Variants in NF1 observed in about 807,000 individuals in gnomAD.
The protein encoded by NF1 is neurofibromin 1, also known as neurofibromin.
Under a neutral mutation model 325.7 loss-of-function variants are expected in NF1, and 122 were observed. The ratio of observed to expected loss-of-function variants is 0.37; its 90% CI spans 0.32 to 0.44. The LOEUF (loss-of-function observed/expected upper bound fraction) is 0.44. Ranked by LOEUF, NF1 falls within the 20% of genes least tolerant of loss-of-function variation. The pLI is 1.00. For synonymous variants in NF1, 1,091 were observed against 1,186.0 expected (o/e 0.92, Z 1.65); for missense variants, 2,140 against 3,415.4 (o/e 0.63, Z 9.31).
At chr17:31,239,615 A>T (rs896555980) in intron 29 of NF1, among the ~76,000 whole-genome samples, 7 of 152,016 alleles carry the variant, frequency 4.6e-5, no homozygotes, top group African/African-American at 1.5e-4. Flanking sequence ...GCAAAGCTAG[A>T]TCTTTTTATT....
intron 1 of NF1, among the ~76,000 whole-genome samples, chr17:31,119,876 C>G (rs971037479): frequency 1.3e-5 from 2 of 152,130 alleles, no homozygotes; most frequent in African/African-American, 4.8e-5. Context: ...AATCCTTTCC[C>G]CATTGCTTGT....
Position 31,338,784 on chromosome 17 carries a change from A to G in NF1, c.6900A>G (p.Lys2300=). The change falls in exon 46 of 58, where the codon AAA becomes AAG. Residue 2300 remains lysine, a synonymous_variant. Transcript: ENST00000358273. The part of the protein sequence containing the change: ...LIEATVIALT[K]LQPLLNKDSP... ...AAGCTACAGTAATAGCACTAACCAAATTACAGCCACTTCTTAATAAGGTAA... is the reference window on the plus strand; with the variant it reads ...AAGCTACAGTAATAGCACTAACCAAGTTACAGCCACTTCTTAATAAGGTAA... 6.2e-7 allele frequency: 1 copy of G among 1,610,900 alleles called. No homozygotes were observed. Among genetic ancestry groups the G allele is most frequent in the Non-Finnish European group, 8.5e-7 (1 of 1,177,290 alleles).
intron 36 of NF1, among the ~76,000 whole-genome samples, chr17:31,281,855 G>A (rs980444914): frequency 1.3e-5 from 2 of 151,938 alleles, no homozygotes; most frequent in African/African-American, 2.4e-5. Flanking sequence ...CCAGGAGTTC[G>A]AGACCAGCCT....
chr17:31,337,008 T>G (rs986367067), intron 42 of NF1, 94 bp downstream of exon 42: 1 of 1,339,374 alleles, frequency 7.5e-7, no homozygotes. Context: ...GTTTGTGCTC[T>G]AACACCAAGT....
At chr17:31,246,451 C>T (rs768774940) in intron 29 of NF1, among the ~76,000 whole-genome samples, 16 of 152,148 alleles carry the variant, frequency 1.1e-4, no homozygotes, top group Non-Finnish European at 1.8e-4. Flanking sequence ...TTCTGTAATA[C>T]GTTAATTAAT....
intron 6 of NF1, 54 bp from the exon 7 acceptor site, chr17:31,181,656 T>C (rs1432574608): frequency 1.4e-6 from 2 of 1,383,162 alleles, no homozygotes; most frequent in Non-Finnish European, 1.0e-6. Flanking sequence ...TGTGACATTT[T>C]ATTTACTGTA....
At chr17:31,152,260 G>A (rs1916999334) in intron 1 of NF1, among the ~76,000 whole-genome samples, 1 of 151,532 alleles carries the variant, frequency 6.6e-6, no homozygotes, top group South Asian at 2.1e-4. Context: ...TTCAAAATAT[G>A]TTAAGGTATT....
At chr17:31,231,540 C>T (rs1016659653) in intron 24 of NF1, among the ~76,000 whole-genome samples, 1 of 152,148 alleles carries the variant, frequency 6.6e-6, no homozygotes, top group Non-Finnish European at 1.5e-5. Flanking sequence ...ATGCTCAAGT[C>T]CCTGACTTAA....
rs2069958951 is a variant in NF1 at position 31,345,716 on chromosome 17, C to T, written c.7189+2581C>T. The T allele has an allele frequency of 9.3e-6, 15 of 1,613,718 alleles. No homozygotes were observed. In the Middle Eastern group the frequency reaches 8.3e-4, roughly 90 times the overall value. The stretch of plus-strand genomic sequence containing the variant: ...TAGAGAAAAGTCTTTTGGTTCCAGA[C>T]CATGTGATCACACGCCTAATGATGT... On this transcript the variant is annotated intron_variant, in intron 48 of 57. Transcript: ENST00000358273.
chr17:31,288,778 C>T (rs1263460242), intron 36 of NF1, among the ~76,000 whole-genome samples: 1 of 152,096 alleles, frequency 6.6e-6, no homozygotes, highest in Non-Finnish European at 1.5e-5. Context: ...ATCCACCCAC[C>T]TTGGCCTCCC....
Position 31,278,493 on chromosome 17 carries a change from C to CT in NF1, c.4835+13192dup, listed in dbSNP as rs200450821. On this transcript the variant is annotated intron_variant, in intron 36 of 57. Transcript: ENST00000358273. ...ACAGACATTGCCTTGGTAATTGAAG[C>CT]TTTTTTTTTTTTTTTTTTTTTTTTT... Among the ~76,000 whole-genome samples the CT allele has an allele frequency of 4.6e-4, 7 of 15,340 alleles. 1 individual carries two copies. Among genetic ancestry groups the CT allele is most frequent in the African/African-American group, 1.2e-3 (7 of 5,620 alleles). The allele number at this position is 15,340 out of a possible 152,430, so 10.1% of individuals were successfully genotyped here.
chr17:31,279,604 AAG>A (rs1279999454), intron 36 of NF1, among the ~76,000 whole-genome samples: 1 of 151,982 alleles, frequency 6.6e-6, no homozygotes, highest in East Asian at 1.9e-4. Context: ...AAAAAAAAAA[AAG>A]GAAGAAACTA....
intron 36 of NF1, among the ~76,000 whole-genome samples, chr17:31,298,095 T>G (rs1451144563): frequency 2.6e-5 from 4 of 152,206 alleles, no homozygotes; most frequent in African/African-American, 7.2e-5. Flanking sequence ...TATTTGATTT[T>G]ATGTTTTAAG....
At chr17:31,163,135 TG>T in intron 3 of NF1, 50 bp from the exon 4 acceptor site, 1 of 1,581,954 alleles carries the variant, frequency 6.3e-7, no homozygotes, top group Non-Finnish European at 8.7e-7. Flanking sequence ...TAATAGAAAA[TG>T]TTTACAGGTA....
intron 36 of NF1, among the ~76,000 whole-genome samples, chr17:31,320,082 G>T (rs146744734): frequency 1.2e-3 from 186 of 152,018 alleles, no homozygotes; most frequent in African/African-American, 4.1e-3. Context: ...AATAGAAATG[G>T]CATATCTTAG....
At chr17:31,125,785 C>T (rs1041481339) in intron 1 of NF1, among the ~76,000 whole-genome samples, 1 of 152,112 alleles carries the variant, frequency 6.6e-6, no homozygotes, top group African/African-American at 2.4e-5. Flanking sequence ...ATCTGTCCAC[C>T]TCCGTCTCCT....
intron 1 of NF1, among the ~76,000 whole-genome samples, chr17:31,114,490 A>C (rs1913718834): frequency 2.0e-5 from 3 of 151,624 alleles, no homozygotes; most frequent in Admixed American, 2.0e-4. Flanking sequence ...GTGAGCTGAG[A>C]TCACACCACT....
chr17:31,326,409 A>T lies in NF1; in HGVS notation c.5268+157A>T, dbSNP rs17882251. ...ACGCCTGTAATCCAAGCACTTTGGG[A>T]TGTCAAGGTGGGCAGATCACGTGAG... On this transcript the variant is annotated intron_variant, in intron 37 of 57. Transcript: ENST00000358273. Among the ~76,000 whole-genome samples, 2,047 of 152,236 alleles carry T rather than the reference A, an allele frequency of 0.013. 52 individuals are homozygous for T. The highest frequency in any genetic ancestry group is 0.046 in the African/African-American group (1,897 of 41,530).
At chr17:31,145,017 T>G (rs1185984227) in intron 1 of NF1, among the ~76,000 whole-genome samples, 1 of 152,260 alleles carries the variant, frequency 6.6e-6, no homozygotes, top group Non-Finnish European at 1.5e-5. Flanking sequence ...ATCTGACTCC[T>G]GCTTCTTGAA....
Sources: gnomAD v4.1 joint callset for allele counts (sites outside exome capture counted in the v4.1 genomes callset) on GRCh38, gnomAD v4.1.1 for gene constraint, MANE v1.5 for transcripts, NCBI Gene and HGNC (gene_info 2026-07-23, HGNC 2026-07-21) for gene names.